NUMB: variants seen among roughly 807,000 people sequenced by gnomAD.
The protein encoded by NUMB is protein numb homolog.
Under a neutral mutation model 59.7 loss-of-function variants are expected in NUMB, and 29 were observed. The ratio of observed to expected loss-of-function variants is 0.49; its 90% CI spans 0.36 to 0.66. NUMB has a LOEUF of 0.66. Among genes scored for constraint, NUMB ranks in the 30% least tolerant of loss-of-function variants. The pLI is 0.00. For missense variants in NUMB, 723 were observed against 822.0 expected, an observed-to-expected ratio of 0.88 and a Z score of 1.47; for synonymous variants, 288 against 288.2, an observed-to-expected ratio of 1.00 and a Z score of 0.01.
At chr14:73,277,776 G>C (rs1263613195) in intron 12 of NUMB, among the ~76,000 whole-genome samples, 1 of 143,014 alleles carries the variant, frequency 7.0e-6, no homozygotes, top group African/African-American at 2.6e-5. Flanking sequence ...AAAAAAAAAA[G>C]GCCACGTGCA....
At chr14:73,278,299 A>C (rs1888341462) in intron 12 of NUMB, among the ~76,000 whole-genome samples, 1 of 151,950 alleles carries the variant, frequency 6.6e-6, no homozygotes, top group Non-Finnish European at 1.5e-5. Flanking sequence ...AGGCGGGTGG[A>C]TCACGAGGTC....
At chr14:73,361,172 G>A (rs1472813652) in intron 3 of NUMB, among the ~76,000 whole-genome samples, 1 of 152,198 alleles carries the variant, frequency 6.6e-6, no homozygotes, top group African/African-American at 2.4e-5. Context: ...TTATAGGTGT[G>A]AACCACTGCA....
rs1319691613 is a variant in NUMB, at chr14:73,276,669, G to A, written c.1865C>T (p.Ala622Val). 6.2e-7 allele frequency: 1 copy of A among 1,614,098 alleles called. No homozygotes were observed. Among genetic ancestry groups the A allele is most frequent in the Non-Finnish European group, 8.5e-7 (1 of 1,180,044 alleles). ...ACGCTGCTTGGACTTATTTTCTAAT[G>A]CAGCCCACTGGGCTTCAAAAGGATC... Reference protein sequence around the residue: ...PVDPFEAQWAALENKSKQRTN... With the variant: ...PVDPFEAQWAVLENKSKQRTN... The change falls in exon 13 of 13, where the codon GCA becomes GTA. Residue 622 changes from alanine (A) to valine (V), a missense_variant. Physicochemically the swap from Ala to Val is moderately conservative, Grantham distance 64. Coordinates refer to ENST00000555238, the MANE Select transcript of NUMB (RefSeq NM_001005743.2).
At chr14:73,281,568 T>C (rs1888639033) in intron 11 of NUMB, 1 of 152,244 alleles carries the variant, frequency 6.6e-6, no homozygotes, top group Non-Finnish European at 1.5e-5. Flanking sequence ...ACAGCAATTA[T>C]AGCAGCTCAA....
At chr14:73,414,802 C>A (rs143552229) in intron 1 of NUMB, among the ~76,000 whole-genome samples, 3,356 of 152,254 alleles carry the variant, frequency 0.022, 128 homozygotes, top group African/African-American at 0.075. Flanking sequence ...TCACTGCAAG[C>A]TCCGCCTCCC....
At chr14:73,352,530 G>GT (rs71112735) in intron 4 of NUMB, among the ~76,000 whole-genome samples, 3,177 of 20,180 alleles carry the variant, frequency 0.16, 770 homozygotes, top group South Asian at 0.28. Flanking sequence ...ATATATATAT[G>GT]TTTTTTTTTT....
At chr14:73,356,059 C>A (rs972513185) in intron 3 of NUMB, among the ~76,000 whole-genome samples, 1 of 152,066 alleles carries the variant, frequency 6.6e-6, no homozygotes, top group Non-Finnish European at 1.5e-5. Flanking sequence ...GACATATTAT[C>A]CTAAGAAATT....
intron 6 of NUMB, among the ~76,000 whole-genome samples, chr14:73,314,315 T>C (rs909249778): frequency 2.6e-5 from 4 of 152,204 alleles, no homozygotes; most frequent in Admixed American, 6.5e-5. Context: ...GTGAATTCAG[T>C]CAGGTCATTT....
At chr14:73,305,686 A>T (rs1890392150) in intron 6 of NUMB, among the ~76,000 whole-genome samples, 1 of 152,232 alleles carries the variant, frequency 6.6e-6, no homozygotes, top group South Asian at 2.1e-4. Context: ...AGCAGCAAAC[A>T]GACCAATTAG....
chr14:73,299,618 CATATA>C (rs1009891057), intron 6 of NUMB, among the ~76,000 whole-genome samples: 2 of 150,158 alleles, frequency 1.3e-5, no homozygotes, highest in African/African-American at 2.5e-5. Context: ...ATATATATGT[CATATA>C]ATATGACATA....
At chr14:73,412,196 C>CA (rs1896925574) in intron 1 of NUMB, among the ~76,000 whole-genome samples, 1 of 152,192 alleles carries the variant, frequency 6.6e-6, no homozygotes, top group South Asian at 2.1e-4. Flanking sequence ...TGTTTACAGG[C>CA]ATACACCACC....
chr14:73,281,739 G>A (rs1888649511), intron 11 of NUMB, among the ~76,000 whole-genome samples: 2 of 152,222 alleles, frequency 1.3e-5, no homozygotes, highest in African/African-American at 2.4e-5. Flanking sequence ...AGAGCTCAAA[G>A]GAGTGCCTTT....
chr14:73,334,305 ATAT>A (rs941525305), intron 4 of NUMB, among the ~76,000 whole-genome samples: 2 of 152,138 alleles, frequency 1.3e-5, no homozygotes, highest in African/African-American at 4.8e-5. Flanking sequence ...TTTTTCATGT[ATAT>A]TCATCAGCAG....
At chr14:73,397,970 A>T (rs2140110788) in intron 2 of NUMB, among the ~76,000 whole-genome samples, 1 of 152,324 alleles carries the variant, frequency 6.6e-6, no homozygotes, top group South Asian at 2.1e-4. Flanking sequence ...TTTGAACTCT[A>T]GCCCTGGAGC....
chr14:73,440,827 CA>C lies in NUMB; in HGVS notation c.-233+17665del, dbSNP rs397713746. On this transcript the variant is annotated intron_variant, in intron 1 of 12. Transcript: ENST00000555238. ...TGGGTGACAGAGCGAGACTCCGTCTCAAAAAAAAAAAAAAAAAAAAAAAGGA... is the reference window on the plus strand; with the variant it reads ...TGGGTGACAGAGCGAGACTCCGTCTCAAAAAAAAAAAAAAAAAAAAAAGGA... 5.5e-3 allele frequency among the ~76,000 whole-genome samples: 261 copies of C among 47,820 alleles called. 3 individuals are homozygous for C. The highest frequency in any genetic ancestry group is 0.035 in the Admixed American group (128 of 3,704). 31.4% of individuals were successfully genotyped at this position (47,820 alleles called of 152,430 possible). A position where few individuals can be genotyped will look rare whatever the true frequency, so the allele number is the denominator to read the frequency against.
At chr14:73,338,714 G>C (rs1473484221) in intron 4 of NUMB, among the ~76,000 whole-genome samples, 1 of 152,128 alleles carries the variant, frequency 6.6e-6, no homozygotes, top group Admixed American at 6.5e-5. Context: ...AAATGTATGC[G>C]GGCATTTTTG....
chr14:73,425,835 G>C (rs1897554339), intron 1 of NUMB, among the ~76,000 whole-genome samples: 1 of 144,244 alleles, frequency 6.9e-6, no homozygotes. Flanking sequence ...TTGAGACAGA[G>C]TCTCACTCTG....
At chr14:73,452,352 C>T (rs934528685) in intron 1 of NUMB, among the ~76,000 whole-genome samples, 5 of 152,164 alleles carry the variant, frequency 3.3e-5, no homozygotes, top group African/African-American at 1.2e-4. Flanking sequence ...GAGAACGAAA[C>T]TCTGTCTCAA....
intron 2 of NUMB, among the ~76,000 whole-genome samples, chr14:73,385,947 C>T (rs1266497761): frequency 6.6e-6 from 1 of 152,146 alleles, no homozygotes; most frequent in Non-Finnish European, 1.5e-5. Context: ...ACTTTTATTT[C>T]AATATCTATA....
Sources: allele counts gnomAD v4.1 joint callset (sites outside exome capture counted in the v4.1 genomes callset), GRCh38; gene constraint gnomAD v4.1.1; transcripts MANE v1.5; gene names NCBI Gene and HGNC (gene_info 2026-07-23, HGNC 2026-07-21).